Variants in DMD observed in about 807,000 individuals in gnomAD.
The protein encoded by DMD is mutant dystrophin.
DMD carries 63 observed loss-of-function variants against 330.1 expected under a neutral mutation model. The ratio of observed to expected loss-of-function variants is 0.19; its 90% confidence interval spans 0.16 to 0.24. DMD has a LOEUF of 0.24. Ranked by LOEUF, DMD falls within the 10% of genes least tolerant of loss-of-function variation. The pLI is 1.00. For synonymous variants in DMD, 1,223 were observed against 959.8 expected, an observed-to-expected ratio of 1.27 and a Z score of -5.07; for missense variants, 3,344 against 2,684.1, an observed-to-expected ratio of 1.25 and a Z score of -5.43.
chrX:31,804,349 A>G (rs2092214549), intron 50 of DMD, among the ~76,000 whole-genome samples: 1 of 111,665 alleles, frequency 9.0e-6, no homozygotes, highest in Non-Finnish European at 1.9e-5. Context: ...TCCACGTGCC[A>G]AGTATCACTT....
chrX:31,212,148 A>T (rs6631275), intron 64 of DMD, among the ~76,000 whole-genome samples: 3 of 49,197 alleles, frequency 6.1e-5, no homozygotes, highest in East Asian at 5.3e-4. Flanking sequence ...TAAATATATT[A>T]TATATATATA....
intron 59 of DMD, among the ~76,000 whole-genome samples, chrX:31,445,280 T>C (rs1214732802): frequency 1.8e-5 from 2 of 111,751 alleles, no homozygotes; most frequent in Non-Finnish European, 3.8e-5. Flanking sequence ...TCTAATTTTA[T>C]ACATGAGAAA....
intron 60 of DMD, among the ~76,000 whole-genome samples, chrX:31,414,452 T>G (rs1223113302): frequency 8.9e-6 from 1 of 112,527 alleles, no homozygotes; most frequent in African/African-American, 3.2e-5. Context: ...GTCATACTGA[T>G]GCTTTGTTAT....
At chrX:32,572,697 A>C (rs1402630798) in intron 15 of DMD, among the ~76,000 whole-genome samples, 2 of 108,873 alleles carry the variant, frequency 1.8e-5, no homozygotes, top group African/African-American at 6.7e-5. Flanking sequence ...ATAGGCTTTA[A>C]TTTTTTTTTG....
chrX:33,058,847 A>C (rs1168085463), intron 1 of DMD, among the ~76,000 whole-genome samples: 1 of 111,705 alleles, frequency 9.0e-6, no homozygotes, highest in Non-Finnish European at 1.9e-5. Flanking sequence ...GCACCTATTC[A>C]AATGTTTTTT....
chrX:31,204,423 T>C (rs1297025966), intron 66 of DMD, among the ~76,000 whole-genome samples: 7 of 112,429 alleles, frequency 6.2e-5, no homozygotes, highest in African/African-American at 9.7e-5. Flanking sequence ...TTGGGAATTA[T>C]TGTATATAGG....
intron 7 of DMD, among the ~76,000 whole-genome samples, chrX:32,731,221 C>T (rs1217669797): frequency 8.9e-6 from 1 of 112,319 alleles, no homozygotes; most frequent in Non-Finnish European, 1.9e-5. Context: ...AAAAACGGCA[C>T]ACCAGGAGAT....
chrX:32,766,720 A>G (rs1233767299), intron 7 of DMD, among the ~76,000 whole-genome samples: 1 of 111,419 alleles, frequency 9.0e-6, no homozygotes, highest in African/African-American at 3.3e-5. Context: ...CAGCATGAAT[A>G]TAGTTAATAG....
At chrX:32,722,068 T>C (rs1377954003) in intron 7 of DMD, among the ~76,000 whole-genome samples, 2 of 110,766 alleles carry the variant, frequency 1.8e-5, no homozygotes, top group Admixed American at 9.7e-5. Flanking sequence ...AGATTTATGA[T>C]ATAATTTCAA....
At chrX:31,208,168 T>A (rs1210565025) in intron 65 of DMD, among the ~76,000 whole-genome samples, 1 of 111,741 alleles carries the variant, frequency 8.9e-6, no homozygotes, top group Non-Finnish European at 1.9e-5. Flanking sequence ...GCGGTTATTT[T>A]CGGTGAACAA....
chrX:32,512,754 C>T (rs1177340703), intron 18 of DMD, among the ~76,000 whole-genome samples: 2 of 112,284 alleles, frequency 1.8e-5, no homozygotes, highest in Admixed American at 9.4e-5. Context: ...CTGATTTACA[C>T]GCTGCAACGA....
intron 60 of DMD, among the ~76,000 whole-genome samples, chrX:31,354,542 TCCA>T (rs1264193264): frequency 8.9e-6 from 1 of 111,807 alleles, no homozygotes; most frequent in East Asian, 2.8e-4. Flanking sequence ...CCAAATCTCC[TCCA>T]CATTTGTTTT....
intron 7 of DMD, among the ~76,000 whole-genome samples, chrX:32,734,871 C>T (rs1277006766): frequency 9.7e-6 from 1 of 102,911 alleles, no homozygotes; most frequent in Non-Finnish European, 2.0e-5. Context: ...GGGATGCCCT[C>T]TCTCACCACT....
At chrX:32,547,978 CCT>C (rs994763329) in intron 16 of DMD, among the ~76,000 whole-genome samples, 23 of 111,295 alleles carry the variant, frequency 2.1e-4, no homozygotes, top group African/African-American at 6.8e-4. Context: ...TAATCATGAC[CCT>C]GATAAATATC....
intron 44 of DMD, among the ~76,000 whole-genome samples, chrX:31,989,135 G>A (rs1023552708): frequency 8.9e-6 from 1 of 111,760 alleles, no homozygotes; most frequent in East Asian, 2.8e-4. Context: ...GTCCTCAATT[G>A]ATTGGATCAG....
intron 2 of DMD, among the ~76,000 whole-genome samples, chrX:32,882,822 T>G (rs1569538713): frequency 8.9e-6 from 1 of 112,309 alleles, no homozygotes; most frequent in Non-Finnish European, 1.9e-5. Context: ...ATCCATACTA[T>G]ACACATAATA....
At chrX:33,210,402 T>C (rs1033767682) in intron 1 of DMD, among the ~76,000 whole-genome samples, 4 of 111,303 alleles carry the variant, frequency 3.6e-5, no homozygotes, top group African/African-American at 9.8e-5. Flanking sequence ...CCTTATCATA[T>C]ATTATTTTTA....
At chrX:33,146,062 A>T (rs2048014898) in intron 1 of DMD, among the ~76,000 whole-genome samples, 2 of 109,444 alleles carry the variant, frequency 1.8e-5, no homozygotes, top group African/African-American at 3.3e-5. Flanking sequence ...CATTTTTTTT[A>T]AATATATATT....
chrX:32,485,347 G>C (rs2042313972), intron 20 of DMD, among the ~76,000 whole-genome samples: 1 of 110,469 alleles, frequency 9.1e-6, no homozygotes, highest in African/African-American at 3.3e-5. Flanking sequence ...ACATAATTTA[G>C]AGCATTAATG....
Sources: allele counts gnomAD v4.1 joint callset (sites outside exome capture counted in the v4.1 genomes callset), GRCh38; gene constraint gnomAD v4.1.1; transcripts MANE v1.5; gene names NCBI Gene and HGNC (gene_info 2026-07-23, HGNC 2026-07-21).